The following NOL4 variants were observed in gnomAD, a reference collection of about 807,000 sequenced individuals.
NOL4 encodes nucleolar protein 4.
Under a neutral mutation model 75.9 loss-of-function variants are expected in NOL4, and 17 were observed. The observed-to-expected ratio is 0.22, with a 90% CI of 0.15 to 0.34. The LOEUF (loss-of-function observed/expected upper bound fraction) is 0.34. Ranked by LOEUF, NOL4 falls within the 10% of genes least tolerant of loss-of-function variation. The probability of loss-of-function intolerance (pLI) is 1.00; values close to 1 mark genes in which losing one functional copy is unlikely to be tolerated. For synonymous variants in NOL4, 292 were observed against 289.9 expected (o/e 1.01, Z -0.07); for missense variants, 614 against 793.5 (o/e 0.77, Z 2.72).
At chr18:34,174,120 T>C (rs2033313970) in intron 1 of NOL4, among the ~76,000 whole-genome samples, 1 of 152,168 alleles carries the variant, frequency 6.6e-6, no homozygotes, top group South Asian at 2.1e-4. Context: ...TGGCAAACTG[T>C]CTTACATCAT....
intron 5 of NOL4, among the ~76,000 whole-genome samples, chr18:34,062,899 T>C (rs1342774588): frequency 1.3e-5 from 2 of 152,108 alleles, no homozygotes; most frequent in Non-Finnish European, 2.9e-5. Flanking sequence ...GTTGCTAATA[T>C]ACAGAACTGG....
At chr18:33,879,066 G>A (rs927287326) in intron 10 of NOL4, among the ~76,000 whole-genome samples, 7 of 151,962 alleles carry the variant, frequency 4.6e-5, no homozygotes, top group South Asian at 2.1e-4. Context: ...CCAACAACTC[G>A]TTAAACAATT....
intron 5 of NOL4, among the ~76,000 whole-genome samples, chr18:34,036,991 C>T (rs1227377131): frequency 6.6e-6 from 1 of 152,102 alleles, no homozygotes; most frequent in Non-Finnish European, 1.5e-5. Context: ...AAAATTGTCC[C>T]TCTTTGCAGA....
intron 9 of NOL4, among the ~76,000 whole-genome samples, chr18:33,935,807 G>T (rs923406538): frequency 9.9e-5 from 15 of 152,220 alleles, no homozygotes; most frequent in African/African-American, 3.1e-4. Context: ...ATTTTCTTCT[G>T]TGAATGAAAG....
At chr18:34,043,128 C>G (rs1401535113) in intron 5 of NOL4, among the ~76,000 whole-genome samples, 1 of 152,030 alleles carries the variant, frequency 6.6e-6, no homozygotes, top group Non-Finnish European at 1.5e-5. Flanking sequence ...GAGAGAAAGC[C>G]TCTGATTTTC....
intron 1 of NOL4, among the ~76,000 whole-genome samples, chr18:34,193,709 T>C (rs946328612): frequency 6.6e-6 from 1 of 152,154 alleles, no homozygotes; most frequent in African/African-American, 2.4e-5. Context: ...AACTACCATA[T>C]GATCCAGCCA....
intron 2 of NOL4, among the ~76,000 whole-genome samples, chr18:34,107,321 T>C (rs1018609045): frequency 6.6e-6 from 1 of 152,166 alleles, no homozygotes; most frequent in African/African-American, 2.4e-5. Context: ...CATGTATACA[T>C]GTGTGCATGA....
chr18:33,926,666 T>TCC (rs2067351917), intron 9 of NOL4, among the ~76,000 whole-genome samples: 2 of 151,992 alleles, frequency 1.3e-5, no homozygotes, highest in East Asian at 3.9e-4. Context: ...AGTGGTGTGA[T>TCC]CTCGGCTCAC....
At chr18:33,951,620 C>T (rs1453102247) in intron 8 of NOL4, among the ~76,000 whole-genome samples, 2 of 152,010 alleles carry the variant, frequency 1.3e-5, no homozygotes, top group Non-Finnish European at 2.9e-5. Context: ...ATTCTCTTAT[C>T]CATCTTCATT....
At chr18:34,079,973 T>G (rs1446159345) in intron 5 of NOL4, among the ~76,000 whole-genome samples, 1 of 152,208 alleles carries the variant, frequency 6.6e-6, no homozygotes, top group Non-Finnish European at 1.5e-5. Context: ...ATTGGGAAAA[T>G]CCTGAATTCT....
At chr18:34,055,228 C>G (rs917483711) in intron 5 of NOL4, among the ~76,000 whole-genome samples, 6 of 151,608 alleles carry the variant, frequency 4.0e-5, no homozygotes, top group African/African-American at 1.5e-4. Context: ...ATGTATTTTT[C>G]TTTACTGAAG....
chr18:34,187,460 T>C (rs972790530), intron 1 of NOL4, among the ~76,000 whole-genome samples: 4 of 136,810 alleles, frequency 2.9e-5, no homozygotes, highest in Non-Finnish European at 6.1e-5. Context: ...CACCGCAAGC[T>C]CCGCCTCCCG....
At chr18:34,073,240 T>C (rs550684544) in intron 5 of NOL4, among the ~76,000 whole-genome samples, 2 of 152,052 alleles carry the variant, frequency 1.3e-5, no homozygotes, top group African/African-American at 4.8e-5. Context: ...AAAGGTGATA[T>C]GACTACACGC....
intron 10 of NOL4, among the ~76,000 whole-genome samples, chr18:33,863,099 T>C (rs1168863834): frequency 3.9e-5 from 6 of 152,108 alleles, no homozygotes; most frequent in Non-Finnish European, 8.8e-5. Flanking sequence ...CCATAAAAAA[T>C]GATGAGTTCA....
At chr18:34,192,252 A>G (rs9964236) in intron 1 of NOL4, among the ~76,000 whole-genome samples, 3 of 152,188 alleles carry the variant, frequency 2.0e-5, no homozygotes, top group African/African-American at 7.2e-5. Flanking sequence ...TCCTATGTTC[A>G]TGATTTGAGA....
At chr18:34,115,182 C>G (rs866097144) in intron 2 of NOL4, among the ~76,000 whole-genome samples, 3 of 152,082 alleles carry the variant, frequency 2.0e-5, no homozygotes, top group African/African-American at 7.2e-5. Flanking sequence ...ACAGTGGGTC[C>G]CAGTAAGCAC....
At chr18:33,912,056 T>C (rs2145152838) in intron 9 of NOL4, among the ~76,000 whole-genome samples, 1 of 152,228 alleles carries the variant, frequency 6.6e-6, no homozygotes, top group South Asian at 2.1e-4. Context: ...CTTATTTTCA[T>C]ATTTGTATAA....
intron 9 of NOL4, among the ~76,000 whole-genome samples, chr18:33,890,579 A>G (rs2065034350): frequency 6.6e-6 from 1 of 152,130 alleles, no homozygotes; most frequent in African/African-American, 2.4e-5. Context: ...TTCTCTATAA[A>G]AAATGATATT....
intron 9 of NOL4, among the ~76,000 whole-genome samples, chr18:33,899,112 CCT>C (rs2144949641): frequency 6.6e-6 from 1 of 152,130 alleles, no homozygotes; most frequent in South Asian, 2.1e-4. Context: ...AAAACTAACC[CCT>C]GAGGAGATAA....
Sources: gnomAD v4.1 joint callset for allele counts (sites outside exome capture counted in the v4.1 genomes callset) on GRCh38, gnomAD v4.1.1 for gene constraint, MANE v1.5 for transcripts, NCBI Gene and HGNC (gene_info 2026-07-23, HGNC 2026-07-21) for gene names.